Variants in ZC3H13 observed in about 807,000 individuals in gnomAD.
ZC3H13 encodes the protein zinc finger CCCH domain-containing protein 13.
A neutral mutation model predicts 204.1 loss-of-function variants in ZC3H13; 64 were observed. The ratio of observed to expected loss-of-function variants is 0.31; its 90% CI spans 0.26 to 0.39. The LOEUF is 0.39. ZC3H13 is among the 10% of genes least tolerant of loss of function. ZC3H13 has a pLI of 1.00. For missense variants in ZC3H13, 1,833 were observed against 2,082.7 expected, an observed-to-expected ratio of 0.88 and a Z score of 2.33; for synonymous variants, 667 against 693.7, an observed-to-expected ratio of 0.96 and a Z score of 0.60.
intron 7 of ZC3H13, among the ~76,000 whole-genome samples, chr13:46,004,046 G>A (rs2040943189): frequency 6.6e-6 from 1 of 152,032 alleles, no homozygotes; most frequent in South Asian, 2.1e-4. Context: ...AATCAACAAA[G>A]TGAAAAGGCA....
chr13:46,024,807 T>C (rs1165044431), intron 4 of ZC3H13, among the ~76,000 whole-genome samples: 1 of 152,144 alleles, frequency 6.6e-6, no homozygotes, highest in Non-Finnish European at 1.5e-5. Context: ...TTAAACCTTG[T>C]CAATACTTTC....
chr13:45,988,548 C>T (rs1593556288), intron 9 of ZC3H13, among the ~76,000 whole-genome samples: 2 of 152,282 alleles, frequency 1.3e-5, no homozygotes, highest in East Asian at 1.9e-4. Context: ...TGAGCCACTG[C>T]ACCCGGCCAG....
intron 8 of ZC3H13, among the ~76,000 whole-genome samples, chr13:45,992,598 C>CA (rs1442183047): frequency 2.0e-5 from 3 of 152,080 alleles, no homozygotes; most frequent in Admixed American, 6.5e-5. Flanking sequence ...TGATTTTTCA[C>CA]AAAAAAATTT....
At chr13:46,009,802 T>G (rs1472613841) in intron 7 of ZC3H13, among the ~76,000 whole-genome samples, 3 of 152,092 alleles carry the variant, frequency 2.0e-5, no homozygotes, top group Non-Finnish European at 4.4e-5. Context: ...TAATATATAC[T>G]GAAAGACAAA....
At chr13:46,025,528 T>G (rs2042492437) in intron 4 of ZC3H13, among the ~76,000 whole-genome samples, 1 of 152,204 alleles carries the variant, frequency 6.6e-6, no homozygotes, top group South Asian at 2.1e-4. Flanking sequence ...CAAGCTGGTC[T>G]TGAACTCTTG....
chr13:46,039,268 C>G (rs988502821), intron 4 of ZC3H13, among the ~76,000 whole-genome samples: 1 of 152,112 alleles, frequency 6.6e-6, no homozygotes, highest in African/African-American at 2.4e-5. Flanking sequence ...AACATAAAAA[C>G]CCTTATGATA....
intron 14 of ZC3H13, 106 bp from the exon 15 acceptor site, chr13:45,968,134 T>A: frequency 8.5e-7 from 1 of 1,172,552 alleles, no homozygotes; most frequent in Non-Finnish European, 1.2e-6. Flanking sequence ...TTTTCCATAT[T>A]CTATGTAACT....
chr13:46,031,497 A>C (rs983271898), intron 4 of ZC3H13, among the ~76,000 whole-genome samples: 2 of 152,290 alleles, frequency 1.3e-5, no homozygotes, highest in Admixed American at 6.5e-5. Context: ...CAAAATAATA[A>C]GACAAGCCAT....
chr13:46,027,186 C>T (rs569060529), intron 4 of ZC3H13, among the ~76,000 whole-genome samples: 2 of 152,252 alleles, frequency 1.3e-5, no homozygotes, highest in Admixed American at 1.3e-4. Flanking sequence ...CTCACTGCAA[C>T]CTCTGCTTCC....
chr13:46,014,317 G>A (rs1257051566), intron 5 of ZC3H13, among the ~76,000 whole-genome samples: 1 of 152,024 alleles, frequency 6.6e-6, no homozygotes, highest in East Asian at 1.9e-4. Context: ...AGCCCTGCAT[G>A]CATTAAGTAC....
intron 17 of ZC3H13, chr13:45,962,339 G>A (rs1951750215): frequency 4.1e-6 from 4 of 985,200 alleles, no homozygotes; most frequent in Admixed American, 1.2e-4. Flanking sequence ...AATAAGTAAG[G>A]GCCGAACTGT....
chr13:46,022,617 T>C (rs1332304750), intron 4 of ZC3H13, among the ~76,000 whole-genome samples: 1 of 151,990 alleles, frequency 6.6e-6, no homozygotes, highest in Non-Finnish European at 1.5e-5. Flanking sequence ...TTACTATGTG[T>C]TGTAAATTAG....
chr13:46,046,675 A>C (rs1264976098), intron 1 of ZC3H13, among the ~76,000 whole-genome samples: 1 of 151,194 alleles, frequency 6.6e-6, no homozygotes, highest in Non-Finnish European at 1.5e-5. Context: ...CTCAAAAAAA[A>C]CAAAAAAACT....
chr13:46,045,634 C>A, intron 1 of ZC3H13, 118 bp from the exon 2 acceptor site: 1 of 715,374 alleles, frequency 1.4e-6, no homozygotes, highest in Non-Finnish European at 2.4e-6. Context: ...GGAGATTTTC[C>A]TTGGGAGATT....
rs543498417 is a variant in ZC3H13 at position 46,003,246 on chromosome 13, T to C, written c.837A>G (p.Lys279=). The change falls in exon 8 of 19, where the codon AAA becomes AAG. Residue 279 remains lysine (K), a synonymous_variant. Coordinates refer to ENST00000679008, the MANE Select transcript of ZC3H13 (RefSeq NM_001330564.2). ...CTTTTACTTTATATTTTTCTTTGTA[T>C]TTTTTCCCCAGAGCGATATCTTCTG... ...PIPEDIALGK[K]YKEKYKVKDR... The C allele has an allele frequency of 6.8e-6, 11 of 1,613,296 alleles. No individual in the cohort carries two copies. The African/African-American group carries it at 1.2e-4, about 18-fold the overall frequency.
chr13:46,045,984 T>C (rs2043925518), intron 1 of ZC3H13, among the ~76,000 whole-genome samples: 1 of 152,178 alleles, frequency 6.6e-6, no homozygotes, highest in Admixed American at 6.5e-5. Context: ...TAGCAGAAAT[T>C]ATGTTTCATA....
rs1483151821 is a variant in ZC3H13, at chr13:45,979,681, T to C, written c.1912+132A>G. On this transcript the variant is annotated intron_variant, in intron 11 of 18. Coordinates refer to ENST00000679008, the MANE Select transcript of ZC3H13 (RefSeq NM_001330564.2). ...ACAAAGATTATATGAGTATATATAA[T>C]AGTTTCAAATGTGTCATCGAGCACA... is the stretch of plus-strand genomic sequence containing the variant. The C allele has an allele frequency of 1.4e-5, 12 of 864,222 alleles. No homozygotes were observed. The South Asian group carries it at 2.1e-4, about 15-fold the overall frequency. 53.5% of individuals were successfully genotyped at this position (864,222 alleles called of 1,614,324 possible).
rs1951186043 is a variant in ZC3H13 at position 45,954,503 on chromosome 13, A to G, written c.*2624T>C. The stretch of plus-strand genomic sequence containing the variant: ...AAAGTTTATTGGAGATTATTAAAGA[A>G]AAATGATAAAATAAGGCAAGTCCTA... On this transcript the variant is annotated 3_prime_UTR_variant, in exon 19 of 19. Transcript: ENST00000679008. 6.6e-6 allele frequency: 1 copy of G among 152,238 alleles called. No homozygotes were observed. Among genetic ancestry groups the G allele is most frequent in the Non-Finnish European group, 1.5e-5 (1 of 68,042 alleles). The allele number at this position is 152,238 out of a possible 1,614,324, so 9.4% of individuals were successfully genotyped here.
In ZC3H13 at chr13:45,969,359, G is replaced by GT; in HGVS notation, c.3184dup (p.Thr1062AsnfsTer5). ...CTCATCAGACCAGTCACTGAATGCT[G>GT]TATCTTCTTTTTTCTGGGAGTCCTC... On this transcript the variant is annotated frameshift_variant, in exon 14 of 19. Coordinates refer to ENST00000679008, the MANE Select transcript of ZC3H13 (RefSeq NM_001330564.2). LOFTEE classifies it high-confidence loss of function. 2 of 1,614,020 alleles carry GT rather than the reference G, an allele frequency of 1.2e-6. No individual in the cohort carries two copies. Among genetic ancestry groups the GT allele is most frequent in the African/African-American group, 2.7e-5 (2 of 75,032 alleles).
Sources: gnomAD v4.1 joint callset for allele counts (sites outside exome capture counted in the v4.1 genomes callset) on GRCh38, gnomAD v4.1.1 for gene constraint, MANE v1.5 for transcripts, NCBI Gene and HGNC (gene_info 2026-07-23, HGNC 2026-07-21) for gene names.